The following PARD3 variants were observed in gnomAD, a reference collection of about 807,000 sequenced individuals.
PARD3 encodes partitioning defective 3 homolog.
In PARD3, 75 loss-of-function variants were observed where a neutral mutation model predicts 155.4. The ratio of observed to expected loss-of-function variants is 0.48; its 90% CI spans 0.40 to 0.58. PARD3 has a LOEUF of 0.58. PARD3 is among the 20% of genes least tolerant of loss of function. PARD3 has a pLI of 0.00. For missense variants in PARD3, 1,642 were observed against 1,721.7 expected (o/e 0.95, Z 0.82); for synonymous variants, 576 against 610.5 (o/e 0.94, Z 0.83).
At chr10:34,260,347 C>A (rs528417679) in intron 22 of PARD3, among the ~76,000 whole-genome samples, 127 of 152,292 alleles carry the variant, frequency 8.3e-4, no homozygotes, top group African/African-American at 3.0e-3. Flanking sequence ...AAGGCAGAGG[C>A]TGAAGACAGG....
intron 24 of PARD3, among the ~76,000 whole-genome samples, chr10:34,113,927 G>C (rs1186150803): frequency 3.3e-5 from 5 of 152,218 alleles, no homozygotes; most frequent in Non-Finnish European, 7.3e-5. Context: ...GGTCCCGGAG[G>C]AGTAGTTTGA....
chr10:34,564,485 G>C (rs1184373707), intron 2 of PARD3, among the ~76,000 whole-genome samples: 1 of 152,176 alleles, frequency 6.6e-6, no homozygotes, highest in Non-Finnish European at 1.5e-5. Context: ...TTGCTCACAA[G>C]TCATCAGCAA....
chr10:34,222,561 G>GGA (rs148941978), intron 22 of PARD3, among the ~76,000 whole-genome samples: 4 of 152,088 alleles, frequency 2.6e-5, no homozygotes, highest in South Asian at 2.1e-4. Context: ...AGTAATAAAT[G>GGA]GAGAGAGAGA....
At chr10:34,111,978 A>G (rs1946407915) in intron 24 of PARD3, among the ~76,000 whole-genome samples, 2 of 152,254 alleles carry the variant, frequency 1.3e-5, no homozygotes, top group Admixed American at 6.5e-5. Flanking sequence ...TCAATTCTAA[A>G]CAAGCACAAC....
intron 22 of PARD3, among the ~76,000 whole-genome samples, chr10:34,147,524 A>T (rs1160508354): frequency 6.6e-6 from 1 of 151,882 alleles, no homozygotes; most frequent in African/African-American, 2.4e-5. Flanking sequence ...ATATGTGGAT[A>T]AAAACCTTTT....
chr10:34,145,003 A>G (rs902933063), intron 22 of PARD3, among the ~76,000 whole-genome samples: 7 of 151,852 alleles, frequency 4.6e-5, no homozygotes, highest in African/African-American at 1.7e-4. Context: ...TTGCGTTTGC[A>G]TGCTTTAAAT....
chr10:34,346,258 G>GA, intron 15 of PARD3: 3 of 1,155,982 alleles, frequency 2.6e-6, no homozygotes, highest in Non-Finnish European at 2.2e-6. Context: ...AGACTAGGAA[G>GA]AAAATGAATG....
chr10:34,544,749 T>C (rs1245522733), intron 2 of PARD3, among the ~76,000 whole-genome samples: 1 of 152,198 alleles, frequency 6.6e-6, no homozygotes, highest in Non-Finnish European at 1.5e-5. Flanking sequence ...AAAGAAAAAC[T>C]ACAGTATCTA....
chr10:34,552,462 C>T (rs951262411), intron 2 of PARD3, among the ~76,000 whole-genome samples: 1 of 152,192 alleles, frequency 6.6e-6, no homozygotes, highest in African/African-American at 2.4e-5. Flanking sequence ...AATCCTAACA[C>T]TTTGGGAGGC....
chr10:34,745,431 G>GGAAAGAGAGAGGGAAAGAGAGAGA, intron 1 of PARD3, among the ~76,000 whole-genome samples: 1 of 146,452 alleles, frequency 6.8e-6, no homozygotes, highest in South Asian at 2.2e-4. Flanking sequence ...AGGGAGGGAG[G>GGAAAGAGAGAGGGAAAGAGAGAGA]GAAAGAGAGA....
intron 2 of PARD3, among the ~76,000 whole-genome samples, chr10:34,694,299 T>G (rs2094124614): frequency 6.6e-6 from 1 of 152,098 alleles, no homozygotes; most frequent in African/African-American, 2.4e-5. Flanking sequence ...TCTCTGTAGT[T>G]GCCTTGAGTG....
intron 1 of PARD3, among the ~76,000 whole-genome samples, chr10:34,772,150 T>C (rs1838960370): frequency 6.6e-6 from 1 of 152,120 alleles, no homozygotes; most frequent in African/African-American, 2.4e-5. Context: ...TCACTGGGCG[T>C]GGTGGCTCAC....
chr10:34,626,359 C>T (rs1299308561), intron 2 of PARD3, among the ~76,000 whole-genome samples: 1 of 152,206 alleles, frequency 6.6e-6, no homozygotes, highest in African/African-American at 2.4e-5. Flanking sequence ...CCCCCCTCCT[C>T]TCTGTGTGTG....
intron 2 of PARD3, among the ~76,000 whole-genome samples, chr10:34,558,506 T>G (rs2085194006): frequency 2.0e-5 from 3 of 152,228 alleles, no homozygotes; most frequent in Non-Finnish European, 1.5e-5. Context: ...CCCTTGACTC[T>G]AATTATACTA....
chr10:34,396,699 A>G (rs1401419214), intron 7 of PARD3, among the ~76,000 whole-genome samples: 1 of 152,176 alleles, frequency 6.6e-6, no homozygotes, highest in East Asian at 1.9e-4. Context: ...GGAGTTTTAT[A>G]TAAGGGAAGT....
chr10:34,159,803 G>C (rs1380337003), intron 22 of PARD3, among the ~76,000 whole-genome samples: 1 of 152,228 alleles, frequency 6.6e-6, no homozygotes, highest in East Asian at 1.9e-4. Context: ...GGTTAAGAGA[G>C]AGAAATTGAA....
intron 5 of PARD3, among the ~76,000 whole-genome samples, chr10:34,407,454 C>A (rs1026753588): frequency 1.3e-5 from 2 of 152,186 alleles, no homozygotes; most frequent in African/African-American, 4.8e-5. Flanking sequence ...GCAAGAGCTA[C>A]CATGGCTGAA....
Position 34,359,147 on chromosome 10 carries a change from C to G in PARD3, c.2067G>C (p.Glu689Asp). 1 of 1,607,696 alleles carries G rather than the reference C, an allele frequency of 6.2e-7. No individual in the cohort carries two copies. ...IVARRISKCN[E>D]LKSPGSPPGP... Reference sequence around the variant, plus strand: ...ACTAGCACTTTTTTGCATTTCTTACCTCATTGCACTTGCTTATTCTCCTTG... The same window carrying G: ...ACTAGCACTTTTTTGCATTTCTTACGTCATTGCACTTGCTTATTCTCCTTG... The change falls in exon 14 of 25, where the codon GAG becomes GAC. Residue 689 changes from glutamate to aspartate, a missense_variant and splice_region_variant. Coordinates refer to ENST00000374788, the MANE Select transcript of PARD3 (RefSeq NM_001184785.2).
At chr10:34,788,097 T>C (rs1841205968) in intron 1 of PARD3, among the ~76,000 whole-genome samples, 1 of 151,954 alleles carries the variant, frequency 6.6e-6, no homozygotes, top group Admixed American at 6.6e-5. Context: ...AGCATGCATT[T>C]ATAAAGCACA....
Sources: gnomAD v4.1 joint callset for allele counts (sites outside exome capture counted in the v4.1 genomes callset) on GRCh38, gnomAD v4.1.1 for gene constraint, MANE v1.5 for transcripts, NCBI Gene and HGNC (gene_info 2026-07-23, HGNC 2026-07-21) for gene names.